Variants in PIGU observed in about 807,000 individuals in gnomAD.
PIGU encodes GPI-anchor transamidase component PIGU.
A neutral mutation model predicts 49.9 loss-of-function variants in PIGU; 24 were observed. That is an observed-to-expected ratio of 0.48 (90% CI 0.35 to 0.68). The LOEUF (loss-of-function observed/expected upper bound fraction) is 0.68, where lower values mean the gene tolerates loss of function less well. PIGU is among the 30% of genes least tolerant of loss of function. PIGU has a pLI of 0.01. For missense variants in PIGU, 490 were observed against 532.6 expected (o/e 0.92, Z 0.79); for synonymous variants, 220 against 205.7 (o/e 1.07, Z -0.59).
At chr20:34,637,137 C>T (rs1198626794) in intron 5 of PIGU, among the ~76,000 whole-genome samples, 1 of 152,206 alleles carries the variant, frequency 6.6e-6, no homozygotes, top group Non-Finnish European at 1.5e-5. Flanking sequence ...AGGAAATCCA[C>T]ACACAAGGCA....
chr20:34,634,628 C>T lies in PIGU; in HGVS notation c.516G>A (p.Leu172=). The stretch of plus-strand genomic sequence containing the variant: ...TCAGGGCCTTACCTTTTATCGTAGT[C>T]AAAATGAAGAAAGCAATGAGGGTGT... The part of the protein sequence containing the change: ...INNTLIAFFI[L]TTIKGSAFLS... The change falls in exon 6 of 12, where the codon TTG becomes TTA. Residue 172 remains leucine, a synonymous_variant. Transcript: ENST00000217446. 6.2e-7 allele frequency: 1 copy of T among 1,612,318 alleles called. No individual in the cohort carries two copies.
intron 1 of PIGU, among the ~76,000 whole-genome samples, chr20:34,663,715 T>A (rs1215734723): frequency 6.6e-6 from 1 of 152,136 alleles, no homozygotes; most frequent in Non-Finnish European, 1.5e-5. Flanking sequence ...CATAAAGAGG[T>A]TGCTGCGTAA....
intron 11 of PIGU, chr20:34,562,634 C>G (rs1223778758): frequency 2.5e-6 from 3 of 1,183,100 alleles, no homozygotes; most frequent in Admixed American, 2.3e-5. Context: ...CAATGGTTGG[C>G]CTAAGGCTAC....
rs531348043 is a variant in PIGU, at chr20:34,584,681, T to C, written c.926+756A>G. Among the ~76,000 whole-genome samples, 8 of 151,390 alleles carry C rather than the reference T, an allele frequency of 5.3e-5. No homozygotes were observed. The East Asian group carries it at 1.6e-3, about 30-fold the overall frequency. On this transcript the variant is annotated intron_variant, in intron 9 of 11. Coordinates refer to ENST00000217446, the MANE Select transcript of PIGU (RefSeq NM_080476.5). ...CACACCACCACACCTGGCTAATTTT[T>C]GTTGTTGTTGTTGTTGTTTTTGTTG...
intron 7 of PIGU, among the ~76,000 whole-genome samples, chr20:34,604,810 G>C (rs1315393024): frequency 6.6e-6 from 1 of 152,162 alleles, no homozygotes; most frequent in Non-Finnish European, 1.5e-5. Flanking sequence ...AACGTTTTCA[G>C]TTCAAAGACA....
At chr20:34,597,786 G>A (rs373379364) in intron 7 of PIGU, among the ~76,000 whole-genome samples, 9 of 152,272 alleles carry the variant, frequency 5.9e-5, no homozygotes, top group African/African-American at 1.4e-4. Flanking sequence ...ATGAGTGTTC[G>A]TATTTGTTTT....
intron 1 of PIGU, among the ~76,000 whole-genome samples, chr20:34,659,082 G>T (rs1600667569): frequency 7.0e-6 from 1 of 142,692 alleles, no homozygotes; most frequent in African/African-American, 2.6e-5. Context: ...AGGTGGGGGG[G>T]TCAGCCCCCC....
chr20:34,674,933 C>T (rs1987446997), intron 1 of PIGU, among the ~76,000 whole-genome samples: 1 of 119,774 alleles, frequency 8.3e-6, no homozygotes, highest in African/African-American at 3.3e-5. Flanking sequence ...CAGAGTGAGA[C>T]CCTGTCTCTT....
intron 4 of PIGU, among the ~76,000 whole-genome samples, chr20:34,639,846 G>T (rs942966979): frequency 1.3e-5 from 2 of 152,114 alleles, no homozygotes; most frequent in Non-Finnish European, 1.5e-5. Flanking sequence ...TTCACAGCTG[G>T]GGTTGTTTAA....
intron 10 of PIGU, 99 bp from the exon 11 acceptor site, chr20:34,575,345 T>C: frequency 7.1e-7 from 1 of 1,407,970 alleles, no homozygotes; most frequent in Non-Finnish European, 9.6e-7. Context: ...AAGGTGAGCA[T>C]CATGTAGCTC....
intron 11 of PIGU, among the ~76,000 whole-genome samples, chr20:34,573,631 A>C (rs1983103793): frequency 6.6e-6 from 1 of 152,244 alleles, no homozygotes; most frequent in South Asian, 2.1e-4. Flanking sequence ...CACCCATGCC[A>C]GCTACCACTG....
rs11467128 is a variant in PIGU, at chr20:34,581,691, AAG to A, written c.927-21_927-20del. On this transcript the variant is annotated intron_variant, in intron 9 of 11. Coordinates refer to ENST00000217446, the MANE Select transcript of PIGU (RefSeq NM_080476.5). ...GTGCTCCCTGGGGCAGGGCAGGGGA[AAG>A]AGAGAGAGAGATGAGTCAGGGACCA... 218 of 1,602,124 alleles carry A rather than the reference AAG, an allele frequency of 1.4e-4. No individual in the cohort carries two copies. Among genetic ancestry groups the A allele is most frequent in the South Asian group, 2.0e-4 (18 of 90,366 alleles).
intron 3 of PIGU, 21 bp downstream of exon 3, chr20:34,645,254 T>G: frequency 6.5e-7 from 1 of 1,542,448 alleles, no homozygotes; most frequent in Non-Finnish European, 8.7e-7. Flanking sequence ...ACATATCAAT[T>G]TTATATGGAA....
At chr20:34,670,693 C>G (rs899867701) in intron 1 of PIGU, among the ~76,000 whole-genome samples, 1 of 152,198 alleles carries the variant, frequency 6.6e-6, no homozygotes, top group Non-Finnish European at 1.5e-5. Flanking sequence ...GCACACGCCA[C>G]CATACCCACC....
At chr20:34,584,242 T>TTAGG (rs1186620583) in intron 9 of PIGU, among the ~76,000 whole-genome samples, 2 of 152,116 alleles carry the variant, frequency 1.3e-5, no homozygotes, top group East Asian at 3.9e-4. Context: ...AGTTGCTAGG[T>TTAGG]TAGGTATGAT....
chr20:34,638,110 C>A, intron 4 of PIGU, 125 bp from the exon 5 acceptor site: 1 of 1,385,066 alleles, frequency 7.2e-7, no homozygotes, highest in Non-Finnish European at 9.3e-7. Context: ...CCCTACCTCT[C>A]CAGGCTCATC....
intron 2 of PIGU, among the ~76,000 whole-genome samples, chr20:34,646,494 C>T (rs1270560650): frequency 1.3e-5 from 2 of 152,126 alleles, no homozygotes; most frequent in Non-Finnish European, 2.9e-5. Flanking sequence ...GAGCAACCTC[C>T]GCCTCCTGGG....
chr20:34,608,578 T>C (rs1358238365), intron 7 of PIGU, among the ~76,000 whole-genome samples: 2 of 152,178 alleles, frequency 1.3e-5, no homozygotes, highest in African/African-American at 4.8e-5. Flanking sequence ...TCTTACATAC[T>C]ACATTAGACA....
chr20:34,636,535 C>A (rs1014993519), intron 5 of PIGU, among the ~76,000 whole-genome samples: 1 of 152,142 alleles, frequency 6.6e-6, no homozygotes. Context: ...CAGAGCAAGA[C>A]TCCGTCTCAA....
Sources: gnomAD v4.1 joint callset for allele counts (sites outside exome capture counted in the v4.1 genomes callset) on GRCh38, gnomAD v4.1.1 for gene constraint, MANE v1.5 for transcripts, NCBI Gene and HGNC (gene_info 2026-07-23, HGNC 2026-07-21) for gene names.